RPN1: variants seen among roughly 807,000 people sequenced by gnomAD.
RPN1 encodes dolichyl-diphosphooligosaccharide--protein glycosyltransferase subunit 1.
A neutral mutation model predicts 55.5 loss-of-function variants in RPN1; 12 were observed. That is an observed-to-expected ratio of 0.22 (90% CI 0.14 to 0.35). RPN1 has a LOEUF of 0.35. Among genes scored for constraint, RPN1 ranks in the 10% least tolerant of loss-of-function variants. The pLI, the probability that RPN1 is intolerant of heterozygous loss-of-function variation, is 1.00. For synonymous variants in RPN1, 317 were observed against 305.9 expected (o/e 1.04, Z -0.38); for missense variants, 679 against 761.3 (o/e 0.89, Z 1.27).
chr3:128,650,492 A>AGGCGGGAAGGGTCCCGGGAGC, intron 1 of RPN1, 48 bp downstream of exon 1: 1 of 1,485,800 alleles, frequency 6.7e-7, no homozygotes, highest in Non-Finnish European at 9.0e-7. Context: ...CCAGGAAGGG[A>AGGCGGGAAGGGTCCCGGGAGC]GGCGGGAAGG....
At chr3:128,636,007 CTT>C (rs2069679468) in intron 3 of RPN1, among the ~76,000 whole-genome samples, 1 of 151,588 alleles carries the variant, frequency 6.6e-6, no homozygotes, top group African/African-American at 2.4e-5. Context: ...TTACATATAA[CTT>C]GTTATATGAT....
At chr3:128,633,719 A>G (rs1039414236) in intron 3 of RPN1, among the ~76,000 whole-genome samples, 1 of 152,150 alleles carries the variant, frequency 6.6e-6, no homozygotes, top group Non-Finnish European at 1.5e-5. Context: ...AAAACGGTTT[A>G]CAGGCTGGGC....
chr3:128,633,017 C>T (rs150589351), intron 3 of RPN1, among the ~76,000 whole-genome samples: 207 of 152,300 alleles, frequency 1.4e-3, no homozygotes, highest in African/African-American at 4.8e-3. Flanking sequence ...TTAGCTCTTA[C>T]AACTAGTTTA....
chr3:128,646,322 C>T (rs1322614816), intron 1 of RPN1, among the ~76,000 whole-genome samples: 3 of 151,492 alleles, frequency 2.0e-5, no homozygotes, highest in Admixed American at 6.6e-5. Flanking sequence ...TGGGCTCAAG[C>T]GATCCTCCCA....
intron 2 of RPN1, 100 bp downstream of exon 2, chr3:128,644,819 C>T: frequency 1.4e-6 from 1 of 734,944 alleles, no homozygotes; most frequent in Non-Finnish European, 2.4e-6. Context: ...TGTAATAAAG[C>T]AGGCACTTCC....
chr3:128,637,772 G>A, intron 3 of RPN1, 27 bp downstream of exon 3: 1 of 1,600,686 alleles, frequency 6.2e-7, no homozygotes, highest in Non-Finnish European at 8.5e-7. Flanking sequence ...AGCAGACAGG[G>A]ATGGGCTGGA....
chr3:128,634,993 A>G (rs904423845), intron 3 of RPN1, among the ~76,000 whole-genome samples: 2 of 152,128 alleles, frequency 1.3e-5, no homozygotes, highest in African/African-American at 2.4e-5. Context: ...GAAGTAAGTA[A>G]AAGAAATCAT....
chr3:128,630,697 T>A (rs938662266), intron 4 of RPN1, among the ~76,000 whole-genome samples: 1 of 152,194 alleles, frequency 6.6e-6, no homozygotes, highest in Non-Finnish European at 1.5e-5. Context: ...ATATGCAATA[T>A]GATAAAATGT....
chr3:128,645,495 G>A (rs1238050618), intron 1 of RPN1, among the ~76,000 whole-genome samples: 4 of 151,076 alleles, frequency 2.6e-5, no homozygotes, highest in Admixed American at 2.0e-4. Context: ...GCATAAAACC[G>A]CTATAAATGC....
rs1272011416 is a variant in RPN1, at chr3:128,634,853, A to ACC, written c.634-2698_634-2697dup. Among the ~76,000 whole-genome samples, 6 of 152,116 alleles carry ACC rather than the reference A, an allele frequency of 3.9e-5. No homozygotes were observed. The East Asian group carries it at 1.2e-3, about 29-fold the overall frequency. ...CAGGGTTACAGACCTGAGCCACCGCACCCAGCCTCTCATGAACGTTCTATT... is the reference window on the plus strand; with the variant it reads ...CAGGGTTACAGACCTGAGCCACCGCACCCCCAGCCTCTCATGAACGTTCTATT... On this transcript the variant is annotated intron_variant, in intron 3 of 9. Transcript: ENST00000296255.
rs191315097 is a variant in RPN1 at position 128,620,041 on chromosome 3, C to T, written c.*370G>A. 46 of 219,994 alleles carry T rather than the reference C, an allele frequency of 2.1e-4. 1 individual carries two copies. The highest frequency in any genetic ancestry group is 8.2e-4 in the Admixed American group (14 of 17,164). 13.6% of individuals were successfully genotyped at this position (219,994 alleles called of 1,614,324 possible). The stretch of plus-strand genomic sequence containing the variant: ...AAAAAAAAAAAAAAAAACACATGCA[C>T]TCACACAATACCCAAACATCAGAAT... On this transcript the variant is annotated 3_prime_UTR_variant, in exon 10 of 10. Coordinates refer to ENST00000296255, the MANE Select transcript of RPN1 (RefSeq NM_002950.4).
intron 2 of RPN1, among the ~76,000 whole-genome samples, chr3:128,639,324 G>A (rs2069707389): frequency 1.3e-5 from 2 of 151,400 alleles, no homozygotes; most frequent in African/African-American, 2.4e-5. Context: ...CGTTGTGGCG[G>A]GCACCTGTAG....
At position 128,634,396 on chromosome 3, in the gene RPN1, G is replaced by A. The variant is rs528117814; in HGVS notation, c.634-2239C>T. ...AAAATGTTTAGAGAATATTCTAAGT[G>A]GCAAAGGTATTACACAATACTTTAT... On this transcript the variant is annotated intron_variant, in intron 3 of 9. Coordinates refer to ENST00000296255, the MANE Select transcript of RPN1 (RefSeq NM_002950.4). 5.3e-5 allele frequency among the ~76,000 whole-genome samples: 8 copies of A among 151,756 alleles called. No individual in the cohort carries two copies. The East Asian group carries it at 1.5e-3, about 29-fold the overall frequency.
chr3:128,638,146 G>A (rs143638777), intron 2 of RPN1, 41 bp from the exon 3 acceptor site: 154 of 1,501,342 alleles, frequency 1.0e-4, no homozygotes, highest in Middle Eastern at 3.4e-4. Flanking sequence ...AGAGACTGAG[G>A]ATACTGAAAA....
intron 1 of RPN1, among the ~76,000 whole-genome samples, chr3:128,649,946 T>A (rs2069803124): frequency 6.6e-6 from 1 of 152,266 alleles, no homozygotes; most frequent in Non-Finnish European, 1.5e-5. Context: ...TTCAAGTGAT[T>A]ACCAACTTAA....
At chr3:128,648,437 T>C (rs564632985) in intron 1 of RPN1, among the ~76,000 whole-genome samples, 2 of 151,562 alleles carry the variant, frequency 1.3e-5, no homozygotes, top group Non-Finnish European at 2.9e-5. Context: ...GGCATGCACC[T>C]GTAATCCCAG....
At chr3:128,631,426 C>T (rs2069640987) in intron 4 of RPN1, among the ~76,000 whole-genome samples, 2 of 148,406 alleles carry the variant, frequency 1.3e-5, no homozygotes, top group Non-Finnish European at 1.5e-5. Context: ...TGTGGCGAGC[C>T]GAGATCGCGC....
intron 1 of RPN1, among the ~76,000 whole-genome samples, chr3:128,645,214 G>C (rs139589828): frequency 6.6e-6 from 1 of 152,124 alleles, no homozygotes; most frequent in Non-Finnish European, 1.5e-5. Flanking sequence ...GCTCACACCC[G>C]TAATCCCAGC....
intron 8 of RPN1, among the ~76,000 whole-genome samples, chr3:128,622,724 C>G (rs2069569603): frequency 6.6e-6 from 1 of 151,894 alleles, no homozygotes; most frequent in South Asian, 2.1e-4. Flanking sequence ...GACATCCCAT[C>G]TCTACTAAAA....
Sources: gnomAD v4.1 joint callset for allele counts (sites outside exome capture counted in the v4.1 genomes callset) on GRCh38, gnomAD v4.1.1 for gene constraint, MANE v1.5 for transcripts, NCBI Gene and HGNC (gene_info 2026-07-23, HGNC 2026-07-21) for gene names.